The following ZFYVE28 variants were observed in gnomAD, a reference collection of about 807,000 sequenced individuals.
ZFYVE28 encodes the protein zinc finger FYVE-type containing 28.
In ZFYVE28, 40 loss-of-function variants were observed where a neutral mutation model predicts 82.1. The observed-to-expected ratio is 0.49, with a 90% CI of 0.38 to 0.63. The LOEUF is 0.63. Among genes scored for constraint, ZFYVE28 ranks in the 30% least tolerant of loss-of-function variants. ZFYVE28 has a pLI of 0.00. For synonymous variants in ZFYVE28, 612 were observed against 546.1 expected (o/e 1.12, Z -1.68); for missense variants, 1,321 against 1,242.1 (o/e 1.06, Z -0.96).
intron 8 of ZFYVE28, among the ~76,000 whole-genome samples, chr4:2,274,497 C>T (rs1736218105): frequency 6.6e-6 from 1 of 152,110 alleles, no homozygotes; most frequent in South Asian, 2.1e-4. Flanking sequence ...TGGCGACTCA[C>T]CCACTGAGGC....
chr4:2,399,248 C>T (rs981586801), intron 1 of ZFYVE28, among the ~76,000 whole-genome samples: 12 of 151,742 alleles, frequency 7.9e-5, no homozygotes, highest in African/African-American at 2.9e-4. Flanking sequence ...TGAGATCCAG[C>T]CCTGCATTGG....
intron 6 of ZFYVE28, among the ~76,000 whole-genome samples, chr4:2,325,967 C>T (rs968266329): frequency 6.6e-6 from 1 of 152,010 alleles, no homozygotes; most frequent in East Asian, 1.9e-4. Context: ...GATATTAACC[C>T]ATCAGATGTA....
In ZFYVE28 at chr4:2,271,034, T is replaced by G. The variant is rs149667394; in HGVS notation, c.2533-178A>C. 5.7e-4 allele frequency: 529 copies of G among 934,858 alleles called. 4 individuals carry two copies. In the African/African-American group the frequency reaches 8.2e-3, roughly 15 times the overall value. 57.9% of individuals were successfully genotyped at this position (934,858 alleles called of 1,614,324 possible). A position where few individuals can be genotyped will look rare whatever the true frequency, so the allele number is the denominator to read the frequency against. On this transcript the variant is annotated intron_variant, in intron 12 of 12. Transcript: ENST00000290974. The stretch of plus-strand genomic sequence containing the variant: ...GGCTGGACTCTATGAGGGGTCCACG[T>G]CCTGCACCAAGGCTGCTGCAGGCTC...
At chr4:2,307,451 CTG>C (rs1330955042) in intron 7 of ZFYVE28, among the ~76,000 whole-genome samples, 1 of 152,102 alleles carries the variant, frequency 6.6e-6, no homozygotes, top group Non-Finnish European at 1.5e-5. Context: ...TCTTCCCACT[CTG>C]TGGTCACAAA....
At chr4:2,414,484 C>T (rs938370142) in intron 1 of ZFYVE28, among the ~76,000 whole-genome samples, 10 of 152,134 alleles carry the variant, frequency 6.6e-5, no homozygotes, top group African/African-American at 4.8e-5. Context: ...TCCTACAAAG[C>T]GGGGGGACAA....
Position 2,304,501 on chromosome 4 carries a change from C to T in ZFYVE28, c.1839G>A (p.Ala613=), listed in dbSNP as rs527388049. ...TGGAGGCATCTTCTGAGGGTGGGGG[C>T]GCCTCCTCCTGTCTCTCAGGGGCCC... ...SDRAPERQEE[A]PPPSEDASNG... Residue 613 remains alanine, a synonymous_variant, in exon 8 of 13, where the codon GCG becomes GCA. Transcript: ENST00000290974. 1.4e-5 allele frequency: 23 copies of T among 1,612,484 alleles called. No homozygotes were observed. Among genetic ancestry groups the T allele is most frequent in the Middle Eastern group, 1.7e-4 (1 of 6,052 alleles).
At chr4:2,278,798 G>A (rs944057074) in intron 8 of ZFYVE28, among the ~76,000 whole-genome samples, 1 of 150,816 alleles carries the variant, frequency 6.6e-6, no homozygotes, top group Non-Finnish European at 1.5e-5. Flanking sequence ...GATTTGAATA[G>A]ACATTTTTCC....
chr4:2,288,097 C>T (rs971816154), intron 8 of ZFYVE28, among the ~76,000 whole-genome samples: 1 of 152,086 alleles, frequency 6.6e-6, no homozygotes, highest in East Asian at 1.9e-4. Flanking sequence ...TGGTCAGATG[C>T]CCAACACCCC....
intron 8 of ZFYVE28, among the ~76,000 whole-genome samples, chr4:2,283,337 A>G (rs1447541947): frequency 6.2e-5 from 7 of 113,326 alleles, no homozygotes. Context: ...CCACCCACCC[A>G]TCCATTTATC....
At position 2,305,390 on chromosome 4, in the gene ZFYVE28, T is replaced by C. The variant is rs768425096; in HGVS notation, c.950A>G (p.Glu317Gly). The C allele has an allele frequency of 9.9e-6, 16 of 1,612,580 alleles. No homozygotes were observed. In the East Asian group the frequency reaches 1.8e-4, roughly 18 times the overall value. The change falls in exon 8 of 13, where the codon GAG becomes GGG. Residue 317 changes from glutamate (E) to glycine (G), a missense_variant. By Grantham distance (98) the Glu-to-Gly change is moderately conservative. Around this residue, in one of 2 missense-constraint regions of ZFYVE28, gnomAD observed 978 missense variants for 833.7 expected, o/e 1.17. Coordinates refer to ENST00000290974, the MANE Select transcript of ZFYVE28 (RefSeq NM_020972.3). ...APALSAPLPP[E>G]GPLSAKAKDP... ...TTTGGCCTTAGCTGAGAGTGGCCCC[T>C]CAGGGGGGAGAGGGGCAGAGAGGGC...
Position 2,320,350 on chromosome 4 carries a change from G to C in ZFYVE28, c.702-79C>G. On this transcript the variant is annotated intron_variant, in intron 6 of 12. Transcript: ENST00000290974. The surrounding 1 kb of genome is among the most constrained non-coding windows in gnomAD (Gnocchi z 5.1). ...CGCGGACGGCCCAACTTAACCACCT[G>C]CGAAAACCACGCCCGCTGGGACTCT... is the stretch of plus-strand genomic sequence containing the variant. The C allele has an allele frequency of 7.5e-7, 1 of 1,330,904 alleles. No individual in the cohort carries two copies. Among genetic ancestry groups the C allele is most frequent in the Non-Finnish European group, 1.1e-6 (1 of 952,198 alleles). 82.4% of individuals were successfully genotyped at this position (1,330,904 alleles called of 1,614,324 possible).
chr4:2,416,616 A>G lies in ZFYVE28; in HGVS notation c.39+1669T>C, dbSNP rs1021235086. Among the ~76,000 whole-genome samples the G allele has an allele frequency of 6.6e-6, 1 of 152,216 alleles. No homozygotes were observed. Among genetic ancestry groups the G allele is most frequent in the Admixed American group, 6.5e-5 (1 of 15,290 alleles). ...CACCGCCCTACCCCGGCAGAGGCAC[A>G]TGGGGGCAGCAGGCAGGACCGAGAG... On this transcript the variant is annotated intron_variant, in intron 1 of 12. Transcript: ENST00000290974. The surrounding 1 kb of genome is among the most constrained non-coding windows in gnomAD (Gnocchi z 4.6).
intron 1 of ZFYVE28, among the ~76,000 whole-genome samples, chr4:2,396,997 G>A (rs1171124164): frequency 6.6e-6 from 1 of 152,214 alleles, no homozygotes; most frequent in Non-Finnish European, 1.5e-5. Flanking sequence ...ACAGGAGCCA[G>A]GGCAGAAGGA....
chr4:2,384,883 A>C (rs2108918142), intron 1 of ZFYVE28, among the ~76,000 whole-genome samples: 1 of 152,260 alleles, frequency 6.6e-6, no homozygotes, highest in South Asian at 2.1e-4. Flanking sequence ...CCTTTTCAAG[A>C]TGTGACGGAG....
intron 8 of ZFYVE28, among the ~76,000 whole-genome samples, chr4:2,283,373 A>C (rs1712228536): frequency 7.7e-6 from 1 of 129,678 alleles, no homozygotes. Flanking sequence ...CCATCCATCC[A>C]ATCATCCATC....
chr4:2,345,171 G>C (rs1032880557), intron 2 of ZFYVE28, among the ~76,000 whole-genome samples: 2 of 152,000 alleles, frequency 1.3e-5, no homozygotes, highest in African/African-American at 2.4e-5. Flanking sequence ...CTGCACTCCA[G>C]ACTGGGCAAC....
At chr4:2,385,560 A>G (rs571968629) in intron 1 of ZFYVE28, among the ~76,000 whole-genome samples, 1 of 152,324 alleles carries the variant, frequency 6.6e-6, no homozygotes, top group South Asian at 2.1e-4. Flanking sequence ...GGTCAGACCT[A>G]CATGGTTGCC....
At position 2,271,259 on chromosome 4, in the gene ZFYVE28, C is replaced by T. The variant is rs1041165155; in HGVS notation, c.2532+52G>A. ...TGACTTCCAGACCTCAGGCTCTGTC[C>T]GTGGACGCCCTTGGATGCTGAGGGA... On this transcript the variant is annotated intron_variant, in intron 12 of 12. Coordinates refer to ENST00000290974, the MANE Select transcript of ZFYVE28 (RefSeq NM_020972.3). 4.1e-5 allele frequency: 64 copies of T among 1,560,074 alleles called. No homozygotes were observed. In the African/African-American group the frequency reaches 8.1e-4, roughly 20 times the overall value.
intron 6 of ZFYVE28, chr4:2,330,201 G>T: frequency 1.2e-6 from 1 of 860,580 alleles, no homozygotes; most frequent in Non-Finnish European, 1.4e-6. Flanking sequence ...TGTGGTGATG[G>T]CTGCACAATT....
Sources: allele counts gnomAD v4.1 joint callset (sites outside exome capture counted in the v4.1 genomes callset), GRCh38; gene constraint gnomAD v4.1.1; regional missense constraint gnomAD v4.1.1; non-coding constraint Gnocchi (gnomAD v3.1); transcripts MANE v1.5; gene names NCBI Gene and HGNC (gene_info 2026-07-23, HGNC 2026-07-21).